SLC14A2: variants seen among roughly 807,000 people sequenced by gnomAD.
The protein encoded by SLC14A2 is solute carrier family 14 member 2.
Under a neutral mutation model 104.6 loss-of-function variants are expected in SLC14A2, and 91 were observed. That is an observed-to-expected ratio of 0.87 (90% CI 0.73 to 1.04). The LOEUF is 1.04. Ranked by LOEUF, SLC14A2 falls within the 50% of genes least tolerant of loss-of-function variation. The probability of loss-of-function intolerance (pLI) is 0.00; values close to 1 mark genes in which losing one functional copy is unlikely to be tolerated. For synonymous variants in SLC14A2, 476 were observed against 466.4 expected (o/e 1.02, Z -0.27); for missense variants, 1,189 against 1,156.0 (o/e 1.03, Z -0.41).
At chr18:45,479,788 G>C (rs1011178794) in intron 1 of SLC14A2, among the ~76,000 whole-genome samples, 8 of 152,044 alleles carry the variant, frequency 5.3e-5, no homozygotes, top group African/African-American at 1.7e-4. Flanking sequence ...CCCCTGTTTT[G>C]GTAAGGAATG....
intron 4 of SLC14A2, among the ~76,000 whole-genome samples, chr18:45,631,867 C>G (rs1266484901): frequency 1.3e-5 from 2 of 152,200 alleles, no homozygotes; most frequent in Non-Finnish European, 2.9e-5. Context: ...CATCTTCCCA[C>G]CTTGGACTCC....
intron 2 of SLC14A2, among the ~76,000 whole-genome samples, chr18:45,516,761 G>A (rs1247384783): frequency 1.3e-5 from 2 of 152,202 alleles, no homozygotes; most frequent in African/African-American, 2.4e-5. Flanking sequence ...GATGCTATAA[G>A]TAAAGATGGG....
chr18:45,250,707 G>C (rs931207098), intron 1 of SLC14A2, among the ~76,000 whole-genome samples: 2 of 142,302 alleles, frequency 1.4e-5, no homozygotes, highest in Non-Finnish European at 3.0e-5. Context: ...AGGGCTGAAT[G>C]TTCCTGTACT....
the SLC14A2 span, among the ~76,000 whole-genome samples, chr18:45,200,129 A>G: frequency 6.6e-6 from 1 of 152,268 alleles, no homozygotes; most frequent in Admixed American, 6.5e-5. Context: ...TTAAAATATA[A>G]ATAAATGTAT....
At chr18:45,222,878 T>C (rs1205921580) in intron 1 of SLC14A2, among the ~76,000 whole-genome samples, 2 of 152,164 alleles carry the variant, frequency 1.3e-5, no homozygotes, top group African/African-American at 4.8e-5. Flanking sequence ...TCTCCCTTTC[T>C]CAGTGCCTGC....
chr18:45,536,234 G>A (rs2043779866), intron 2 of SLC14A2, among the ~76,000 whole-genome samples: 1 of 152,232 alleles, frequency 6.6e-6, no homozygotes, highest in Non-Finnish European at 1.5e-5. Flanking sequence ...CAAGAGTGGG[G>A]TGGGCTTGAA....
Position 45,673,768 on chromosome 18 carries a change from C to T in SLC14A2, c.2463C>T (p.Gly821=). Residue 821 remains glycine, a synonymous_variant, in exon 18 of 20, where the codon GGC becomes GGT. Coordinates refer to ENST00000255226, the MANE Select transcript of SLC14A2 (RefSeq NM_007163.4). ...NSTLACIAIG[G]MFYVITWQTH... ...CCCTCGCATGCATAGCGATAGGAGG[C>T]ATGTTCTACGTCATCACCTGGCAGA... 1 of 1,614,196 alleles carries T rather than the reference C, an allele frequency of 6.2e-7. No individual in the cohort carries two copies. The highest frequency in any genetic ancestry group is 8.5e-7 in the Non-Finnish European group (1 of 1,180,014).
chr18:45,299,089 G>A (rs1411390059), intron 1 of SLC14A2, among the ~76,000 whole-genome samples: 1 of 152,198 alleles, frequency 6.6e-6, no homozygotes, highest in Non-Finnish European at 1.5e-5. Context: ...CGGTAAGAAA[G>A]ATACAGCATT....
intron 2 of SLC14A2, chr18:45,493,378 T>C (rs1278196137): frequency 6.6e-6 from 1 of 152,236 alleles, no homozygotes; most frequent in Non-Finnish European, 1.5e-5. Flanking sequence ...TTAGAAAAGA[T>C]AATATCTTGC....
At chr18:45,624,883 C>A in intron 2 of SLC14A2, 69 bp downstream of exon 2, 1 of 1,473,760 alleles carries the variant, frequency 6.8e-7, no homozygotes, top group Non-Finnish European at 9.3e-7. Context: ...CAAAAGATGC[C>A]GCTTTCCCAC....
intron 2 of SLC14A2, among the ~76,000 whole-genome samples, chr18:45,559,164 C>T (rs1024919251): frequency 3.9e-5 from 6 of 152,114 alleles, no homozygotes; most frequent in Non-Finnish European, 7.3e-5. Flanking sequence ...AATCAGTTCT[C>T]TCAGGGGGCT....
At chr18:45,460,457 G>C (rs966120769) in intron 1 of SLC14A2, among the ~76,000 whole-genome samples, 8 of 152,154 alleles carry the variant, frequency 5.3e-5, no homozygotes, top group African/African-American at 1.9e-4. Context: ...CTTCCTGACT[G>C]TTCCTGAAAG....
intron 15 of SLC14A2, 31 bp downstream of exon 15, chr18:45,668,508 A>G (rs771735837): frequency 5.6e-6 from 9 of 1,612,498 alleles, no homozygotes; most frequent in African/African-American, 1.3e-5. Flanking sequence ...TTGTGGGTTC[A>G]TATCAATGGC....
At chr18:45,604,410 C>G (rs1045061372) in intron 2 of SLC14A2, among the ~76,000 whole-genome samples, 1 of 151,590 alleles carries the variant, frequency 6.6e-6, no homozygotes, top group South Asian at 2.1e-4. Flanking sequence ...ATATCCAGAT[C>G]AAATGATTTT....
At chr18:45,224,357 G>A (rs1330962294) in intron 1 of SLC14A2, among the ~76,000 whole-genome samples, 1 of 152,202 alleles carries the variant, frequency 6.6e-6, no homozygotes, top group African/African-American at 2.4e-5. Context: ...TCAGCTGTGG[G>A]AGTAAGAACA....
chr18:45,293,138 T>C (rs1207178530), intron 1 of SLC14A2, among the ~76,000 whole-genome samples: 2 of 152,230 alleles, frequency 1.3e-5, no homozygotes, highest in Non-Finnish European at 2.9e-5. Flanking sequence ...TTTAAGGCAG[T>C]AATTACATTA....
chr18:45,349,364 G>T (rs1415998659), intron 1 of SLC14A2, among the ~76,000 whole-genome samples: 2 of 152,284 alleles, frequency 1.3e-5, no homozygotes, highest in East Asian at 3.9e-4. Context: ...GTGGGATGCT[G>T]GGGCCCATTG....
chr18:45,492,926 G>C (rs981872589), intron 2 of SLC14A2: 11 of 152,178 alleles, frequency 7.2e-5, no homozygotes, highest in Non-Finnish European at 1.6e-4. Flanking sequence ...TGAAGCCCTT[G>C]TCTACTCGCT....
At chr18:45,544,466 G>T (rs2043937434) in intron 2 of SLC14A2, among the ~76,000 whole-genome samples, 1 of 152,090 alleles carries the variant, frequency 6.6e-6, no homozygotes, top group South Asian at 2.1e-4. Flanking sequence ...TCCTGATGTT[G>T]TCTTGTTCAT....
Sources: gnomAD v4.1 joint callset for allele counts (sites outside exome capture counted in the v4.1 genomes callset) on GRCh38, gnomAD v4.1.1 for gene constraint, MANE v1.5 for transcripts, NCBI Gene and HGNC (gene_info 2026-07-23, HGNC 2026-07-21) for gene names.